The following EGFR variants were observed in gnomAD, a reference collection of about 807,000 sequenced individuals.
EGFR encodes the protein epidermal growth factor receptor.
Under a neutral mutation model 143.0 loss-of-function variants are expected in EGFR, and 58 were observed. That is an observed-to-expected ratio of 0.41 (90% CI 0.33 to 0.50). The LOEUF is 0.50. Among genes scored for constraint, EGFR ranks in the 20% least tolerant of loss-of-function variants. EGFR has a pLI of 0.39. For missense variants in EGFR, 1,307 were observed against 1,579.0 expected, an observed-to-expected ratio of 0.83 and a Z score of 2.92; for synonymous variants, 613 against 594.4, an observed-to-expected ratio of 1.03 and a Z score of -0.45.
intron 27 of EGFR, among the ~76,000 whole-genome samples, chr7:55,204,998 CACAT>C (rs1256401152): frequency 2.6e-5 from 4 of 152,090 alleles, no homozygotes; most frequent in Admixed American, 6.5e-5. Context: ...CATACACACA[CACAT>C]ACACACACTC....
intron 27 of EGFR, among the ~76,000 whole-genome samples, chr7:55,204,685 C>T (rs796242750): frequency 2.7e-5 from 4 of 145,644 alleles, no homozygotes; most frequent in Non-Finnish European, 6.0e-5. Flanking sequence ...ACACCACACA[C>T]ACCACAGACA....
chr7:55,149,331 CCTCT>C lies in EGFR; in HGVS notation c.560-1955_560-1952del, dbSNP rs1174347141. 3.3e-5 allele frequency among the ~76,000 whole-genome samples: 5 copies of C among 151,868 alleles called. No homozygotes were observed. The East Asian group carries it at 9.7e-4, about 29-fold the overall frequency. On this transcript the variant is annotated intron_variant, in intron 4 of 27. Coordinates refer to ENST00000275493, the MANE Select transcript of EGFR (RefSeq NM_005228.5). ...AAAACCTGGCCCAGAACATGAGCAG[CCTCT>C]CTCTCTCACTCTCACTGTCTCTCTT...
intron 20 of EGFR, among the ~76,000 whole-genome samples, chr7:55,190,283 C>T (rs1787331072): frequency 6.6e-6 from 1 of 152,020 alleles, no homozygotes; most frequent in Non-Finnish European, 1.5e-5. Context: ...CTCGGCAGTG[C>T]AGGGTGAGGG....
intron 1 of EGFR, among the ~76,000 whole-genome samples, chr7:55,136,416 G>A (rs17289533): frequency 0.1 from 15,754 of 152,154 alleles, 1,168 homozygotes; most frequent in Admixed American, 0.2. Context: ...TCAGGCACAC[G>A]GAAACGAGAA....
intron 1 of EGFR, among the ~76,000 whole-genome samples, chr7:55,090,414 C>T (rs1393701933): frequency 6.6e-6 from 1 of 152,224 alleles, no homozygotes; most frequent in Non-Finnish European, 1.5e-5. Flanking sequence ...CCTCGGGCCC[C>T]TTCCCAGACC....
chr7:55,174,325 C>T (rs140521668), intron 18 of EGFR, among the ~76,000 whole-genome samples: 57 of 152,298 alleles, frequency 3.7e-4, no homozygotes, highest in Admixed American at 5.2e-4. Context: ...GGAGGAGGGC[C>T]GCCTCTCACC....
At chr7:55,109,043 A>T (rs1792307533) in intron 1 of EGFR, among the ~76,000 whole-genome samples, 1 of 152,172 alleles carries the variant, frequency 6.6e-6, no homozygotes. Flanking sequence ...GATACGCTGG[A>T]GGGGGCTGCA....
intron 1 of EGFR, among the ~76,000 whole-genome samples, chr7:55,112,524 G>A (rs1184820726): frequency 1.3e-5 from 2 of 152,232 alleles, no homozygotes; most frequent in Non-Finnish European, 2.9e-5. Flanking sequence ...GTGGCCAGGG[G>A]CTGATCTCAC....
At chr7:55,198,054 G>C (rs1387056209) in intron 22 of EGFR, among the ~76,000 whole-genome samples, 1 of 152,054 alleles carries the variant, frequency 6.6e-6, no homozygotes, top group African/African-American at 2.4e-5. Context: ...CAATTTTTTT[G>C]GAATAGTTTC....
intron 1 of EGFR, among the ~76,000 whole-genome samples, chr7:55,066,634 T>G (rs1260208106): frequency 1.3e-5 from 2 of 152,248 alleles, no homozygotes; most frequent in Admixed American, 1.3e-4. Flanking sequence ...CTTTGGTTGC[T>G]ATTGTGAAAG....
intron 27 of EGFR, among the ~76,000 whole-genome samples, chr7:55,204,305 C>CACACACCACACACACACAT (rs1380395102): frequency 2.7e-5 from 4 of 145,668 alleles, no homozygotes; most frequent in Non-Finnish European, 6.0e-5. Flanking sequence ...CACACATGTA[C>CACACACCACACACACACAT]ACACGCCACA....
chr7:55,033,391 C>T (rs1787375216), intron 1 of EGFR, among the ~76,000 whole-genome samples: 1 of 152,202 alleles, frequency 6.6e-6, no homozygotes, highest in Non-Finnish European at 1.5e-5. Context: ...ACAGGGCAGA[C>T]TCTGCCATAT....
intron 24 of EGFR, chr7:55,200,827 G>A (rs2128970847): frequency 2.1e-6 from 1 of 474,746 alleles, no homozygotes; most frequent in Non-Finnish European, 3.8e-6. Context: ...CCAAAACCAA[G>A]CTCACAGGAT....
At chr7:55,092,077 T>C (rs1428233950) in intron 1 of EGFR, among the ~76,000 whole-genome samples, 1 of 152,170 alleles carries the variant, frequency 6.6e-6, no homozygotes, top group African/African-American at 2.4e-5. Flanking sequence ...GCTTAATGGA[T>C]AGCAGGCTGT....
chr7:55,201,905 GT>G (rs1253302740), intron 26 of EGFR, 123 bp downstream of exon 26: 7 of 1,216,640 alleles, frequency 5.8e-6, no homozygotes, highest in Admixed American at 1.7e-5. Context: ...TCCTGTGTGG[GT>G]TTTTCCCTGC....
At chr7:55,087,797 G>A (rs56880483) in intron 1 of EGFR, among the ~76,000 whole-genome samples, 1,859 of 152,292 alleles carry the variant, frequency 0.012, 17 homozygotes, top group Middle Eastern at 0.034. Flanking sequence ...ACAGGAACCT[G>A]AGCAGGCAAG....
chr7:55,077,475 GTCC>G (rs1296291473), intron 1 of EGFR, among the ~76,000 whole-genome samples: 10 of 152,166 alleles, frequency 6.6e-5, no homozygotes, highest in Non-Finnish European at 1.0e-4. Flanking sequence ...GTAAAAATGT[GTCC>G]TCCTTTTTTT....
chr7:55,019,392 C>T (rs2128853642), intron 1 of EGFR, 27 bp downstream of exon 1: 6 of 1,371,000 alleles, frequency 4.4e-6, no homozygotes, highest in Non-Finnish European at 5.7e-6. Context: ...CCGGCTCCCG[C>T]GCCGCCCCCG....
intron 20 of EGFR, among the ~76,000 whole-genome samples, chr7:55,186,335 A>T (rs897379202): frequency 6.6e-6 from 1 of 152,224 alleles, no homozygotes; most frequent in African/African-American, 2.4e-5. Flanking sequence ...GGCCTTCGTC[A>T]TCCAGGTTTG....
Sources: allele counts gnomAD v4.1 joint callset (sites outside exome capture counted in the v4.1 genomes callset), GRCh38; gene constraint gnomAD v4.1.1; transcripts MANE v1.5; gene names NCBI Gene and HGNC (gene_info 2026-07-23, HGNC 2026-07-21).